MINDY4B: variants seen among roughly 807,000 people sequenced by gnomAD.
MINDY4B encodes inactive ubiquitin carboxyl-terminal hydrolase MINDY-4B.
A neutral mutation model predicts 16.7 loss-of-function variants in MINDY4B; 25 were observed. The observed-to-expected ratio is 1.49, with a 90% CI of 1.09 to 2.09. The LOEUF (loss-of-function observed/expected upper bound fraction) is 2.09, where lower values mean the gene tolerates loss of function less well. Ranked by LOEUF, MINDY4B falls within the 30% of genes most tolerant of loss-of-function variation. The pLI, the probability that MINDY4B is intolerant of heterozygous loss-of-function variation, is 0.00. For synonymous variants in MINDY4B, 132 were observed against 61.9 expected (o/e 2.13, Z -5.32); for missense variants, 327 against 168.4 (o/e 1.94, Z -5.21).
At position 150,900,772 on chromosome 3, in the gene MINDY4B, C is replaced by T. The variant is rs554928726; in HGVS notation, c.309+2477G>A. ...CCTTGGCATAGTCATGGGGCGGTCC[C>T]CAGTTGCTTCATGTTTGTGTTTGTA... On this transcript the variant is annotated intron_variant, in intron 3 of 11. Coordinates refer to ENST00000465419, the MANE Select transcript of MINDY4B (RefSeq NM_001351281.2). Among the ~76,000 whole-genome samples the T allele has an allele frequency of 2.5e-3, 386 of 152,264 alleles. 1 individual carries two copies. Among genetic ancestry groups the T allele is most frequent in the Non-Finnish European group, 4.3e-3 (295 of 68,018 alleles).
intron 7 of MINDY4B, among the ~76,000 whole-genome samples, chr3:150,888,061 C>A (rs13079392): frequency 0.077 from 11,655 of 152,020 alleles, 562 homozygotes; most frequent in African/African-American, 0.13. Context: ...GAGCCGAGAT[C>A]GCACCACTGT....
In MINDY4B at chr3:150,870,985, A is replaced by G. The variant is rs949356212; in HGVS notation, c.*60T>C. ...GGAAACGATTGGTCTCCCCCACATT[A>G]GGCTTTTGCATCCCAGCAGTTCTGA... On this transcript the variant is annotated 3_prime_UTR_variant, in exon 12 of 12. Transcript: ENST00000465419. 1.0e-5 allele frequency: 7 copies of G among 667,442 alleles called. No homozygotes were observed. Among genetic ancestry groups the G allele is most frequent in the Non-Finnish European group, 8.1e-6 (3 of 368,958 alleles). 41.3% of individuals were successfully genotyped at this position (667,442 alleles called of 1,614,324 possible).
In MINDY4B at chr3:150,885,394, G is replaced by C. The variant is rs190489579; in HGVS notation, c.798C>G (p.Ser266Arg). ...TTTCAAATGTTCTAGAGAAGATCAG[G>C]CTGTACAGAAACAGGATGACACCAT... ...GSHGVILFLY[S>R]LIFSRTFERL... Residue 266 changes from serine (S) to arginine (R), a missense_variant, in exon 8 of 12, where the codon AGC becomes AGG. Coordinates refer to ENST00000465419, the MANE Select transcript of MINDY4B (RefSeq NM_001351281.2). 27 of 702,752 alleles carry C rather than the reference G, an allele frequency of 3.8e-5. No individual in the cohort carries two copies. In the Admixed American group the frequency reaches 5.2e-4, roughly 14 times the overall value. 43.5% of individuals were successfully genotyped at this position (702,752 alleles called of 1,614,324 possible).
chr3:150,883,590 G>T, intron 9 of MINDY4B, 110 bp downstream of exon 9: 1 of 645,850 alleles, frequency 1.5e-6, no homozygotes, highest in Non-Finnish European at 2.8e-6. Flanking sequence ...TATTTAATTA[G>T]AAAACAATCC....
At chr3:150,884,271 T>C (rs1711571971) in intron 8 of MINDY4B, among the ~76,000 whole-genome samples, 1 of 152,184 alleles carries the variant, frequency 6.6e-6, no homozygotes, top group African/African-American at 2.4e-5. Flanking sequence ...CAATATAAGG[T>C]CAAGGTGGAA....
At chr3:150,889,305 C>T (rs1344151665) in intron 7 of MINDY4B, among the ~76,000 whole-genome samples, 1 of 152,268 alleles carries the variant, frequency 6.6e-6, no homozygotes, top group African/African-American at 2.4e-5. Context: ...GCCCTGCCCA[C>T]ATTCCTTGGT....
At chr3:150,903,518 ATGT>A (rs759413958) in intron 2 of MINDY4B, 102 bp from the exon 3 acceptor site, 61 of 396,970 alleles carry the variant, frequency 1.5e-4, no homozygotes, top group Non-Finnish European at 2.6e-4. Context: ...TGTTCAGAAA[ATGT>A]TGTCTCACTT....
chr3:150,878,341 T>G (rs1328752553), intron 10 of MINDY4B, among the ~76,000 whole-genome samples: 2 of 152,208 alleles, frequency 1.3e-5, no homozygotes, highest in East Asian at 3.8e-4. Flanking sequence ...AAAATCACCT[T>G]GATACGTATG....
At chr3:150,891,386 A>G (rs186975397) in intron 5 of MINDY4B, among the ~76,000 whole-genome samples, 323 of 152,340 alleles carry the variant, frequency 2.1e-3, no homozygotes, top group African/African-American at 7.5e-3. Flanking sequence ...TATAGTCTTT[A>G]TAAAGAAACA....
intron 11 of MINDY4B, 90 bp downstream of exon 11, chr3:150,873,097 G>A (rs533744502): frequency 1.6e-6 from 1 of 607,650 alleles, no homozygotes; most frequent in Admixed American, 2.7e-5. Context: ...TGTGGAGCTA[G>A]CATGAATATC....
At chr3:150,898,667 G>A (rs906884891) in intron 3 of MINDY4B, among the ~76,000 whole-genome samples, 1 of 152,208 alleles carries the variant, frequency 6.6e-6, no homozygotes. Context: ...AATCAAGCAT[G>A]GTTTATAGTT....
chr3:150,877,254 T>C (rs561123788), intron 10 of MINDY4B, among the ~76,000 whole-genome samples: 27 of 152,310 alleles, frequency 1.8e-4, no homozygotes, highest in Middle Eastern at 6.8e-3. Context: ...GAAATCTTTC[T>C]TATATTAGGT....
At chr3:150,879,592 G>T (rs535964441) in intron 10 of MINDY4B, among the ~76,000 whole-genome samples, 1 of 152,188 alleles carries the variant, frequency 6.6e-6, no homozygotes, top group Non-Finnish European at 1.5e-5. Flanking sequence ...TGTTGGCTAC[G>T]TAATTTGTGG....
rs60781001 is a variant in MINDY4B, at chr3:150,878,173, G to T, written c.1059+4724C>A. The stretch of plus-strand genomic sequence containing the variant: ...AGAAAGGGCCAGGCACACAATAGGT[G>T]CTATATGCACAAGGTTATTAGCACA... On this transcript the variant is annotated intron_variant, in intron 10 of 11. Coordinates refer to ENST00000465419, the MANE Select transcript of MINDY4B (RefSeq NM_001351281.2). Among the ~76,000 whole-genome samples the T allele has an allele frequency of 2.7e-4, 41 of 152,228 alleles. No individual in the cohort carries two copies. In the East Asian group the frequency reaches 7.7e-3, roughly 29 times the overall value.
chr3:150,890,705 T>C, intron 6 of MINDY4B: 2 of 509,634 alleles, frequency 3.9e-6, no homozygotes, highest in Non-Finnish European at 7.0e-6. Context: ...TATGATTATT[T>C]CAGATGGGAG....
At chr3:150,901,875 C>G (rs1057359274) in intron 3 of MINDY4B, among the ~76,000 whole-genome samples, 3 of 152,032 alleles carry the variant, frequency 2.0e-5, no homozygotes, top group Non-Finnish European at 4.4e-5. Context: ...CCCAGTGCAT[C>G]TGTACTGCAA....
Position 150,901,527 on chromosome 3 carries a change from T to C in MINDY4B, c.309+1722A>G, listed in dbSNP as rs200833763. On this transcript the variant is annotated intron_variant, in intron 3 of 11. Transcript: ENST00000465419. The stretch of plus-strand genomic sequence containing the variant: ...TCTTTCTTTTCTTTTCTTTTCTTTT[T>C]TTTTTTTTTTTTTTGACAGAGTCTC... 364 of 71,412 alleles carry C rather than the reference T, an allele frequency of 5.1e-3. 1 individual carries two copies. The highest frequency in any genetic ancestry group is 3.9e-3 in the Non-Finnish European group (163 of 41,706). 4.4% of individuals were successfully genotyped at this position (71,412 alleles called of 1,614,324 possible).
At chr3:150,894,329 T>C (rs1015824151) in intron 3 of MINDY4B, 24 bp from the exon 4 acceptor site, 3 of 679,964 alleles carry the variant, frequency 4.4e-6, no homozygotes, top group Non-Finnish European at 7.9e-6. Context: ...AAAGAAATGA[T>C]TCAACAAAAG....
At chr3:150,898,918 C>T (rs1319568424) in intron 3 of MINDY4B, among the ~76,000 whole-genome samples, 1 of 152,156 alleles carries the variant, frequency 6.6e-6, no homozygotes, top group Non-Finnish European at 1.5e-5. Flanking sequence ...ACCTGCCCAC[C>T]CCTAACTTGA....
Sources: allele counts gnomAD v4.1 joint callset (sites outside exome capture counted in the v4.1 genomes callset), GRCh38; gene constraint gnomAD v4.1.1; transcripts MANE v1.5; gene names NCBI Gene and HGNC (gene_info 2026-07-23, HGNC 2026-07-21).